The following MEGF11 variants were observed in gnomAD, a reference collection of about 807,000 sequenced individuals.
The protein encoded by MEGF11 is multiple epidermal growth factor-like domains protein 11.
MEGF11 carries 126 observed loss-of-function variants against 146.6 expected under a neutral mutation model. That is an observed-to-expected ratio of 0.86 (90% CI 0.74 to 1.00). The LOEUF is 1.00. Among genes scored for constraint, MEGF11 ranks in the 50% least tolerant of loss-of-function variants. MEGF11 has a pLI of 0.00. For synonymous variants in MEGF11, 532 were observed against 583.4 expected, an observed-to-expected ratio of 0.91 and a Z score of 1.27; for missense variants, 1,509 against 1,521.2, an observed-to-expected ratio of 0.99 and a Z score of 0.13.
At chr15:66,181,292 C>T (rs552173693) in intron 1 of MEGF11, among the ~76,000 whole-genome samples, 1 of 152,312 alleles carries the variant, frequency 6.6e-6, no homozygotes, top group African/African-American at 2.4e-5. Context: ...ATCTGGAGTG[C>T]AGTGGCACAA....
chr15:65,936,064 G>C (rs141875059), intron 10 of MEGF11, among the ~76,000 whole-genome samples: 1 of 152,208 alleles, frequency 6.6e-6, no homozygotes, highest in Non-Finnish European at 1.5e-5. Flanking sequence ...ATGATGGTCT[G>C]TGTGGGACCC....
At position 65,915,351 on chromosome 15, in the gene MEGF11, T is replaced by C. The variant is rs577891574; in HGVS notation, c.2473+119A>G. 3.3e-5 allele frequency: 44 copies of C among 1,347,858 alleles called. No individual in the cohort carries two copies. In the East Asian group the frequency reaches 1.0e-3, roughly 31 times the overall value. 83.5% of individuals were successfully genotyped at this position (1,347,858 alleles called of 1,614,324 possible). A position where few individuals can be genotyped will look rare whatever the true frequency, so the allele number is the denominator to read the frequency against. ...TCTGCAGCCCACCCTATTCCTGCTG[T>C]CCTCACAAATGTGAATAAAGGGAAG... On this transcript the variant is annotated intron_variant, in intron 19 of 25. Transcript: ENST00000395614.
At chr15:66,166,891 C>G (rs974204495) in intron 1 of MEGF11, among the ~76,000 whole-genome samples, 2 of 152,100 alleles carry the variant, frequency 1.3e-5, no homozygotes, top group Non-Finnish European at 2.9e-5. Context: ...ATAAAGGTTT[C>G]GATTCTTACA....
At chr15:66,251,466 A>G (rs1352046293) in intron 1 of MEGF11, among the ~76,000 whole-genome samples, 1 of 152,112 alleles carries the variant, frequency 6.6e-6, no homozygotes, top group Non-Finnish European at 1.5e-5. Flanking sequence ...GGCTCCATTT[A>G]CCCCCAGAGC....
chr15:66,198,202 A>T (rs1427574964), intron 1 of MEGF11, among the ~76,000 whole-genome samples: 1 of 152,280 alleles, frequency 6.6e-6, no homozygotes, highest in East Asian at 1.9e-4. Context: ...GCAGAGAAAA[A>T]TGGTCCCTTA....
At chr15:65,978,999 A>G (rs147710909) in intron 7 of MEGF11, among the ~76,000 whole-genome samples, 40 of 151,256 alleles carry the variant, frequency 2.6e-4, no homozygotes, top group African/African-American at 9.2e-4. Flanking sequence ...TCTTACCTAG[A>G]GCACCTCAAT....
intron 8 of MEGF11, among the ~76,000 whole-genome samples, chr15:65,969,894 T>A (rs2081243744): frequency 6.6e-6 from 1 of 152,056 alleles, no homozygotes; most frequent in African/African-American, 2.4e-5. Context: ...GTTTCAAATA[T>A]CTTTTTCCAG....
At chr15:65,916,513 A>G (rs980619787) in intron 17 of MEGF11, 2 of 661,326 alleles carry the variant, frequency 3.0e-6, no homozygotes, top group African/African-American at 3.6e-5. Context: ...GCTAGGGTCT[A>G]CTTCCTGTGT....
chr15:66,181,684 T>C (rs897833385), intron 1 of MEGF11, among the ~76,000 whole-genome samples: 1 of 152,214 alleles, frequency 6.6e-6, no homozygotes, highest in Non-Finnish European at 1.5e-5. Flanking sequence ...AGCTGCAGTC[T>C]AGCACAGGTC....
chr15:66,154,649 GAC>G (rs1230161817), intron 1 of MEGF11, among the ~76,000 whole-genome samples: 2 of 152,242 alleles, frequency 1.3e-5, no homozygotes, highest in Admixed American at 6.5e-5. Context: ...GCAAGACAGA[GAC>G]ACTTCTAAAA....
At chr15:65,948,445 C>T (rs940096898) in intron 10 of MEGF11, among the ~76,000 whole-genome samples, 4 of 152,160 alleles carry the variant, frequency 2.6e-5, no homozygotes, top group East Asian at 1.9e-4. Flanking sequence ...ATACCGACCC[C>T]GAAGGGCTGG....
chr15:66,037,669 ATCAGAACAGGTCTC>A (rs1382596778), intron 5 of MEGF11, among the ~76,000 whole-genome samples: 2 of 152,200 alleles, frequency 1.3e-5, no homozygotes, highest in Admixed American at 6.5e-5. Flanking sequence ...GCTCTCTTCC[ATCAGAACAGGTCTC>A]TCCCACCATC....
At chr15:66,070,679 T>A (rs2085327413) in intron 5 of MEGF11, among the ~76,000 whole-genome samples, 1 of 152,030 alleles carries the variant, frequency 6.6e-6, no homozygotes, top group Admixed American at 6.5e-5. Flanking sequence ...CAAATTAATC[T>A]CCCTCCCCAC....
chr15:65,949,412 T>C (rs1396477981), intron 10 of MEGF11, among the ~76,000 whole-genome samples: 1 of 152,206 alleles, frequency 6.6e-6, no homozygotes, highest in African/African-American at 2.4e-5. Context: ...AACAAATTTG[T>C]TCATTTGGGT....
chr15:66,253,750 TGAGCGAGC>T (rs1039522033), upstream of MEGF11: 3 of 152,224 alleles, frequency 2.0e-5, no homozygotes, highest in African/African-American at 7.3e-5. Flanking sequence ...CGGGAGCGAC[TGAGCGAGC>T]GAGCGAGCGG....
intron 1 of MEGF11, among the ~76,000 whole-genome samples, chr15:66,208,037 A>C (rs1252786327): frequency 1.3e-5 from 2 of 151,824 alleles, no homozygotes; most frequent in Non-Finnish European, 2.9e-5. Context: ...GTGAGCTGAG[A>C]TCACACCATT....
intron 1 of MEGF11, among the ~76,000 whole-genome samples, chr15:66,213,233 A>G (rs562888247): frequency 1.2e-4 from 19 of 152,170 alleles, no homozygotes; most frequent in Non-Finnish European, 1.9e-4. Flanking sequence ...ACTTCAGATC[A>G]TAGCTCATTA....
chr15:66,113,080 T>C (rs1279658122), intron 4 of MEGF11, among the ~76,000 whole-genome samples: 12 of 152,194 alleles, frequency 7.9e-5, no homozygotes, highest in Admixed American at 2.0e-4. Context: ...TCGAATTTAC[T>C]GAATTAAATC....
intron 1 of MEGF11, among the ~76,000 whole-genome samples, chr15:66,196,660 AGT>A (rs1029414672): frequency 1.3e-4 from 20 of 152,330 alleles, no homozygotes; most frequent in African/African-American, 4.1e-4. Flanking sequence ...ACTTCTCTGA[AGT>A]GTGGCATTCA....
Sources: allele counts gnomAD v4.1 joint callset (sites outside exome capture counted in the v4.1 genomes callset), GRCh38; gene constraint gnomAD v4.1.1; transcripts MANE v1.5; gene names NCBI Gene and HGNC (gene_info 2026-07-23, HGNC 2026-07-21).